MANBA: variants seen among roughly 807,000 people sequenced by gnomAD.
The protein encoded by MANBA is mannosidase beta.
Under a neutral mutation model 111.1 loss-of-function variants are expected in MANBA, and 83 were observed. The observed-to-expected ratio is 0.75, with a 90% CI of 0.63 to 0.90. The LOEUF (loss-of-function observed/expected upper bound fraction) is 0.90. Among genes scored for constraint, MANBA ranks in the 40% least tolerant of loss-of-function variants. The pLI, the probability that MANBA is intolerant of heterozygous loss-of-function variation, is 0.00. For missense variants in MANBA, 1,036 were observed against 1,069.0 expected, an observed-to-expected ratio of 0.97 and a Z score of 0.43; for synonymous variants, 370 against 378.7, an observed-to-expected ratio of 0.98 and a Z score of 0.27.
intron 1 of MANBA, among the ~76,000 whole-genome samples, chr4:102,731,872 T>C (rs1723043934): frequency 6.6e-6 from 1 of 151,900 alleles, no homozygotes; most frequent in South Asian, 2.1e-4. Flanking sequence ...TCATAAATCC[T>C]TAAGTCTTTC....
At position 102,749,842 on chromosome 4, in the gene MANBA, C is replaced by T. The variant is rs538187672; in HGVS notation, c.177+10876G>A. Among the ~76,000 whole-genome samples the T allele has an allele frequency of 5.4e-4, 83 of 152,314 alleles. 1 individual carries two copies. The highest frequency in any genetic ancestry group is 1.9e-3 in the African/African-American group (79 of 41,566). ...CTGACTACATGCATTAATACTTATA[C>T]ATGATAAGGACCAGCCAACGCTTAC... On this transcript the variant is annotated intron_variant, in intron 1 of 16. Transcript: ENST00000647097.
chr4:102,751,619 G>T, intron 1 of MANBA: 2 of 540,808 alleles, frequency 3.7e-6, no homozygotes, highest in South Asian at 2.8e-5. Flanking sequence ...TGGAACTGGA[G>T]AACATGTCAT....
At chr4:102,727,508 T>C (rs1275216649) in intron 1 of MANBA, 1 of 1,550,126 alleles carries the variant, frequency 6.5e-7, no homozygotes, top group Non-Finnish European at 8.9e-7. Flanking sequence ...CTCACATCAT[T>C]ATTGGGGATG....
intron 13 of MANBA, among the ~76,000 whole-genome samples, chr4:102,640,278 A>G (rs1729823473): frequency 6.6e-6 from 1 of 152,252 alleles, no homozygotes; most frequent in Non-Finnish European, 1.5e-5. Context: ...TTTACTAGAA[A>G]AAATTCTATA....
intron 13 of MANBA, 44 bp downstream of exon 13, chr4:102,650,493 T>C: frequency 6.4e-7 from 1 of 1,552,374 alleles, no homozygotes; most frequent in Non-Finnish European, 8.9e-7. Flanking sequence ...ATCTCTTACA[T>C]TAATTGCAGG....
intron 1 of MANBA, among the ~76,000 whole-genome samples, chr4:102,733,942 T>C (rs1278381211): frequency 1.3e-5 from 2 of 152,232 alleles, no homozygotes; most frequent in African/African-American, 4.8e-5. Flanking sequence ...GTGGTTACCA[T>C]AGGTTAAGCA....
chr4:102,731,894 C>T (rs533334202), intron 1 of MANBA, among the ~76,000 whole-genome samples: 17 of 150,620 alleles, frequency 1.1e-4, no homozygotes, highest in Non-Finnish European at 2.4e-4. Context: ...TCTCCTACCC[C>T]CTTTCCACTC....
At chr4:102,752,379 G>C in intron 1 of MANBA, 1 of 1,235,332 alleles carries the variant, frequency 8.1e-7, no homozygotes. Context: ...ACCATTCTTT[G>C]GTGTCACTGT....
intron 4 of MANBA, among the ~76,000 whole-genome samples, chr4:102,722,171 G>A (rs1365010366): frequency 1.3e-5 from 2 of 151,998 alleles, no homozygotes; most frequent in Admixed American, 1.3e-4. Flanking sequence ...TAGAGTTTCA[G>A]TTTTGCAAGG....
rs547760404 is a variant in MANBA at position 102,736,772 on chromosome 4, T to C, written c.178-10089A>G. Among the ~76,000 whole-genome samples the C allele has an allele frequency of 3.9e-5, 6 of 152,292 alleles. No homozygotes were observed. In the East Asian group the frequency reaches 1.2e-3, roughly 29 times the overall value. ...GAACAGCATGTGGAGACTCACACTG[T>C]GAATTTTTGCTCCAAGAACCACCAC... On this transcript the variant is annotated intron_variant, in intron 1 of 16. Coordinates refer to ENST00000647097, the MANE Select transcript of MANBA (RefSeq NM_005908.4).
intron 1 of MANBA, among the ~76,000 whole-genome samples, chr4:102,726,970 T>C (rs1578942986): frequency 6.6e-6 from 1 of 152,146 alleles, no homozygotes; most frequent in Admixed American, 6.5e-5. Flanking sequence ...GGAGACAGGG[T>C]TTCACCATGT....
intron 4 of MANBA, among the ~76,000 whole-genome samples, chr4:102,717,568 T>C (rs1452009845): frequency 6.6e-6 from 1 of 150,836 alleles, no homozygotes; most frequent in East Asian, 1.9e-4. Flanking sequence ...AATTTTTGTA[T>C]TTTTTTTTAG....
chr4:102,642,326 G>C (rs1729911427), intron 13 of MANBA, among the ~76,000 whole-genome samples: 1 of 152,158 alleles, frequency 6.6e-6, no homozygotes, highest in Non-Finnish European at 1.5e-5. Flanking sequence ...ATGCCTATTT[G>C]GCTGGGCGCG....
rs773812582 is a variant in MANBA at position 102,676,210 on chromosome 4, AT to A, written c.961-2141del. On this transcript the variant is annotated intron_variant, in intron 7 of 16. Coordinates refer to ENST00000647097, the MANE Select transcript of MANBA (RefSeq NM_005908.4). The stretch of plus-strand genomic sequence containing the variant: ...CTTTTTGTGCGTTATGCAATGGAAC[AT>A]TTAAAAATAATATTTATGGTGCCAG... Among the ~76,000 whole-genome samples, 3 of 152,352 alleles carry A rather than the reference AT, an allele frequency of 2.0e-5. No individual in the cohort carries two copies. In the South Asian group the frequency reaches 6.2e-4, roughly 32 times the overall value.
chr4:102,684,532 A>G (rs1003488262), intron 7 of MANBA, among the ~76,000 whole-genome samples: 5 of 152,238 alleles, frequency 3.3e-5, no homozygotes, highest in African/African-American at 1.2e-4. Context: ...TGGAATAGCC[A>G]AAACTGGCAA....
chr4:102,667,237 T>C (rs978011166), intron 10 of MANBA: 1 of 152,166 alleles, frequency 6.6e-6, no homozygotes, highest in Admixed American at 6.5e-5. Context: ...CTGTTGAGTA[T>C]GCACATATTG....
At chr4:102,720,604 CAA>C (rs528189031) in intron 4 of MANBA, among the ~76,000 whole-genome samples, 4 of 130,752 alleles carry the variant, frequency 3.1e-5, no homozygotes. Context: ...GACTTCATCT[CAA>C]AAAAAAAAAA....
At chr4:102,728,382 C>A in intron 1 of MANBA, 1 of 519,066 alleles carries the variant, frequency 1.9e-6, no homozygotes, top group Non-Finnish European at 3.8e-6. Context: ...TGAATCTTAG[C>A]CAGGCTGTTT....
At chr4:102,700,199 G>T (rs879522544) in intron 5 of MANBA, among the ~76,000 whole-genome samples, 418 of 121,212 alleles carry the variant, frequency 3.4e-3, no homozygotes, top group African/African-American at 7.2e-3. Flanking sequence ...GGGATCGGTG[G>T]TGATATCCCC....
Sources: gnomAD v4.1 joint callset for allele counts (sites outside exome capture counted in the v4.1 genomes callset) on GRCh38, gnomAD v4.1.1 for gene constraint, MANE v1.5 for transcripts, NCBI Gene and HGNC (gene_info 2026-07-23, HGNC 2026-07-21) for gene names.